The following ZNF235 variants were observed in gnomAD, a reference collection of about 807,000 sequenced individuals.
ZNF235 encodes zfp-93.
ZNF235 carries 25 observed loss-of-function variants against 29.4 expected under a neutral mutation model. That is an observed-to-expected ratio of 0.85 (90% CI 0.62 to 1.19). The LOEUF (loss-of-function observed/expected upper bound fraction) is 1.19, where lower values mean the gene tolerates loss of function less well. Ranked by LOEUF, ZNF235 falls within the 50% of genes most tolerant of loss-of-function variation. The pLI is 0.00. For missense variants in ZNF235, 788 were observed against 885.0 expected (o/e 0.89, Z 1.39); for synonymous variants, 300 against 295.3 (o/e 1.02, Z -0.16).
chr19:44,301,944 C>T (rs770849489), intron 2 of ZNF235, among the ~76,000 whole-genome samples: 2 of 152,186 alleles, frequency 1.3e-5, no homozygotes, highest in Non-Finnish European at 2.9e-5. Flanking sequence ...CCTGGTGAAT[C>T]TCCTAGTGCT....
chr19:44,288,054 AT>A lies in ZNF235; in HGVS notation c.1380del (p.Lys460AsnfsTer11). On this transcript the variant is annotated frameshift_variant, in exon 5 of 5. Coordinates refer to ENST00000291182, the MANE Select transcript of ZNF235 (RefSeq NM_004234.4). LOFTEE classifies it high-confidence loss of function. ...QRVHTEEKPY[K>X]CDECGKCFSL... Reference sequence around the variant, plus strand: ...CTAAAGCACTTACCACACTCATCACATTTGTATGGTTTTTCTTCAGTGTGGA... The same window carrying A: ...CTAAAGCACTTACCACACTCATCACATTGTATGGTTTTTCTTCAGTGTGGA... 6.2e-7 allele frequency: 1 copy of A among 1,614,062 alleles called. No individual in the cohort carries two copies. Among genetic ancestry groups the A allele is most frequent in the Non-Finnish European group, 8.5e-7 (1 of 1,180,026 alleles).
At chr19:44,291,466 TAAGAA>T (rs1370820584) in intron 4 of ZNF235, among the ~76,000 whole-genome samples, 1 of 151,268 alleles carries the variant, frequency 6.6e-6, no homozygotes, top group East Asian at 1.9e-4. Context: ...AAATAGAAAA[TAAGAA>T]AACAAATAGC....
intron 2 of ZNF235, among the ~76,000 whole-genome samples, chr19:44,302,913 C>CGTATATAGTT (rs1975761159): frequency 7.7e-6 from 1 of 130,410 alleles, no homozygotes; most frequent in Non-Finnish European, 1.6e-5. Context: ...TAAATATATA[C>CGTATATAGTT]GTATATATTT....
chr19:44,286,964 G>A lies in ZNF235; in HGVS notation c.*254C>T, dbSNP rs547599865. The A allele has an allele frequency of 4.3e-4, 156 of 365,652 alleles. No individual in the cohort carries two copies. Among genetic ancestry groups the A allele is most frequent in the Middle Eastern group, 2.3e-3 (3 of 1,318 alleles). The allele number at this position is 365,652 out of a possible 1,614,324, so 22.7% of individuals were successfully genotyped here. ...TCTGCTGTGTTACATCTTGAGAACC[G>A]GGACACCTGGTACTCTGATATAAAC... On this transcript the variant is annotated 3_prime_UTR_variant, in exon 5 of 5. Transcript: ENST00000291182.
chr19:44,293,284 A>G (rs1303744843), intron 4 of ZNF235, among the ~76,000 whole-genome samples: 1 of 152,152 alleles, frequency 6.6e-6, no homozygotes, highest in Non-Finnish European at 1.5e-5. Flanking sequence ...AGGAGTAGCT[A>G]TTTTTATATC....
At chr19:44,300,313 C>A (rs1176474810) in intron 2 of ZNF235, among the ~76,000 whole-genome samples, 1 of 152,144 alleles carries the variant, frequency 6.6e-6, no homozygotes, top group Non-Finnish European at 1.5e-5. Context: ...GAACTTAGGA[C>A]AGTGTGTGAC....
At chr19:44,304,820 C>A (rs754806216) in intron 1 of ZNF235, 151 bp downstream of exon 1, 6 of 985,482 alleles carry the variant, frequency 6.1e-6, no homozygotes, top group Non-Finnish European at 7.2e-6. Flanking sequence ...AGAGGTTCTG[C>A]CGAGGGGACG....
At chr19:44,303,293 T>G in intron 2 of ZNF235, 97 bp downstream of exon 2, 1 of 1,313,088 alleles carries the variant, frequency 7.6e-7, no homozygotes. Context: ...TCCAAGTGCC[T>G]TTCGTTCCCT....
At chr19:44,301,803 T>C (rs1023772191) in intron 2 of ZNF235, among the ~76,000 whole-genome samples, 1 of 152,146 alleles carries the variant, frequency 6.6e-6, no homozygotes, top group East Asian at 1.9e-4. Context: ...GCTTAGGCAC[T>C]GGAAGCTTTA....
intron 4 of ZNF235, among the ~76,000 whole-genome samples, chr19:44,293,374 T>C (rs1336444948): frequency 6.6e-6 from 1 of 151,642 alleles, no homozygotes; most frequent in Non-Finnish European, 1.5e-5. Context: ...AATAAACAAA[T>C]AAGATAACAA....
At position 44,288,197 on chromosome 19, in the gene ZNF235, G is replaced by A. The variant is rs1168793353; in HGVS notation, c.1238C>T (p.Thr413Ile). The stretch of plus-strand genomic sequence containing the variant: ...ATGGGCCTGAAGATGTGATCTCTGA[G>A]TGAAGCCCTTCCCACACACCTCACA... ...YKCEVCGKGF[T>I]QRSHLQAHER... Residue 413 changes from threonine (T) to isoleucine (I), a missense_variant, in exon 5 of 5, where the codon ACT (threonine) becomes ATT (isoleucine). Coordinates refer to ENST00000291182, the MANE Select transcript of ZNF235 (RefSeq NM_004234.4). 1.2e-6 allele frequency: 2 copies of A among 1,612,704 alleles called. No homozygotes were observed. Among genetic ancestry groups the A allele is most frequent in the African/African-American group, 2.7e-5 (2 of 74,624 alleles).
chr19:44,290,799 A>C (rs1568644112), intron 4 of ZNF235: 1 of 153,562 alleles, frequency 6.5e-6, no homozygotes, highest in Non-Finnish European at 1.5e-5. Context: ...CTGGGGACTG[A>C]AGACACCTTT....
rs1975707821 is a variant in ZNF235, at chr19:44,299,740, A to G, written c.16-8T>C. The G allele has an allele frequency of 6.2e-7, 1 of 1,613,736 alleles. No individual in the cohort carries two copies. Among genetic ancestry groups the G allele is most frequent in the South Asian group, 1.1e-5 (1 of 91,084 alleles). On this transcript the variant is annotated splice_polypyrimidine_tract_variant and splice_region_variant and intron_variant, in intron 2 of 4. Transcript: ENST00000291182. ...CTTGAATGTCACTGCCTCCTAGAAC[A>G]TCAAGCACATGTAACCTCAATCTCA...
rs1975521456 is a variant in ZNF235 at position 44,288,121 on chromosome 19, T to A, written c.1314A>T (p.Lys438Asn). Reference sequence around the variant, plus strand: ...GAAGATTTGAGCTACAACTAAAGCGTTTACCACAATCCCCACATTTATATG... The same window carrying A: ...GAAGATTTGAGCTACAACTAAAGCGATTACCACAATCCCCACATTTATATG... ...EKPYKCGDCG[K>N]RFSCSSNLHT... The change falls in exon 5 of 5, where the codon AAA becomes AAT. Residue 438 changes from lysine (K) to asparagine (N), a missense_variant. Physicochemically the swap from Lys to Asn is moderately conservative, Grantham distance 94. Transcript: ENST00000291182. 6.2e-7 allele frequency: 1 copy of A among 1,613,692 alleles called. No individual in the cohort carries two copies. Among genetic ancestry groups the A allele is most frequent in the Non-Finnish European group, 8.5e-7 (1 of 1,179,944 alleles).
In ZNF235 at chr19:44,287,586, G is replaced by A. The variant is rs773468885; in HGVS notation, c.1849C>T (p.His617Tyr). 2 of 1,614,166 alleles carry A rather than the reference G, an allele frequency of 1.2e-6. No individual in the cohort carries two copies. Among genetic ancestry groups the A allele is most frequent in the Non-Finnish European group, 1.7e-6 (2 of 1,180,016 alleles). ...TTCTCTCCGGTGTGGACTCTCTGATGGGCTTGAAGGTGTGAGGCCTGACTG... is the reference window on the plus strand; with the variant it reads ...TTCTCTCCGGTGTGGACTCTCTGATAGGCTTGAAGGTGTGAGGCCTGACTG... ...RFSQASHLQA[H>Y]QRVHTGEKPY... Residue 617 changes from histidine to tyrosine, a missense_variant, in exon 5 of 5, where the codon CAT becomes TAT. His to Tyr is a moderately conservative substitution (Grantham distance 83). Transcript: ENST00000291182.
chr19:44,288,506 T>A lies in ZNF235; in HGVS notation c.929A>T (p.Gln310Leu). 1.9e-6 allele frequency: 3 copies of A among 1,614,188 alleles called. No individual in the cohort carries two copies. The highest frequency in any genetic ancestry group is 2.5e-6 in the Non-Finnish European group (3 of 1,180,022). ...TSYSSGIPVQ[Q>L]SVRTGKKRYW... The stretch of plus-strand genomic sequence containing the variant: ...GCGTTTTTTCCCAGTACGAACACTT[T>A]GTTGAACAGGAATACCTGAGCTATA... Residue 310 changes from glutamine to leucine, a missense_variant, in exon 5 of 5, where the codon CAA becomes CTA. Coordinates refer to ENST00000291182, the MANE Select transcript of ZNF235 (RefSeq NM_004234.4).
Position 44,288,045 on chromosome 19 carries a change from A to G in ZNF235, c.1390T>C (p.Cys464Arg). 1 of 1,613,798 alleles carries G rather than the reference A, an allele frequency of 6.2e-7. No homozygotes were observed. The highest frequency in any genetic ancestry group is 8.5e-7 in the Non-Finnish European group (1 of 1,179,964). ...TEEKPYKCDE[C>R]GKCFSLSFNL... The stretch of plus-strand genomic sequence containing the variant: ...AAGCTCAAACTAAAGCACTTACCAC[A>G]CTCATCACATTTGTATGGTTTTTCT... Residue 464 changes from cysteine to arginine, a missense_variant, in exon 5 of 5, where the codon TGT (cysteine) becomes CGT (arginine). Cys to Arg is a radical substitution (Grantham distance 180, BLOSUM62 -3). Coordinates refer to ENST00000291182, the MANE Select transcript of ZNF235 (RefSeq NM_004234.4).
chr19:44,302,283 T>C (rs1419644041), intron 2 of ZNF235, among the ~76,000 whole-genome samples: 1 of 151,982 alleles, frequency 6.6e-6, no homozygotes, highest in East Asian at 1.9e-4. Context: ...GTCCTTAAAA[T>C]GGCAAAATTC....
chr19:44,304,664 C>G (rs922240893), intron 1 of ZNF235: 6 of 949,192 alleles, frequency 6.3e-6, no homozygotes, highest in African/African-American at 1.8e-5. Flanking sequence ...TTTACAGGCA[C>G]GAGGAAACTG....
Sources: allele counts gnomAD v4.1 joint callset (sites outside exome capture counted in the v4.1 genomes callset), GRCh38; gene constraint gnomAD v4.1.1; transcripts MANE v1.5; gene names NCBI Gene and HGNC (gene_info 2026-07-23, HGNC 2026-07-21).